The following CACNA1C variants were observed in gnomAD, a reference collection of about 807,000 sequenced individuals.
CACNA1C encodes voltage-dependent L-type calcium channel subunit alpha-1C.
Under a neutral mutation model 229.0 loss-of-function variants are expected in CACNA1C, and 30 were observed. That is an observed-to-expected ratio of 0.13 (90% CI 0.10 to 0.18). The LOEUF is 0.18. Among genes scored for constraint, CACNA1C ranks in the 10% least tolerant of loss-of-function variants. The pLI is 1.00. For missense variants in CACNA1C, 1,658 were observed against 2,845.0 expected (o/e 0.58, Z 9.49); for synonymous variants, 1,114 against 1,132.5 (o/e 0.98, Z 0.33).
Position 2,486,358 on chromosome 12 carries a change from C to A in CACNA1C, c.916+96C>A, listed in dbSNP as rs889530206. 6 of 975,192 alleles carry A rather than the reference C, an allele frequency of 6.2e-6. No homozygotes were observed. The African/African-American group carries it at 9.7e-5, about 16-fold the overall frequency. 60.4% of individuals were successfully genotyped at this position (975,192 alleles called of 1,614,324 possible). A position where few individuals can be genotyped will look rare whatever the true frequency, so the allele number is the denominator to read the frequency against. On this transcript the variant is annotated intron_variant, in intron 6 of 46. Transcript: ENST00000399655. This position sits in a 1 kb window ranked among gnomAD's most constrained non-coding sequence, Gnocchi z 4.9. ...GCTACACCAACATGACCAGCAGAGCCCAGGGAAGGCCCCATTCATTCAGAC... is the reference window on the plus strand; with the variant it reads ...GCTACACCAACATGACCAGCAGAGCACAGGGAAGGCCCCATTCATTCAGAC...
chr12:2,107,810 T>C (rs974043928), intron 1 of CACNA1C, among the ~76,000 whole-genome samples: 1 of 152,140 alleles, frequency 6.6e-6, no homozygotes, highest in African/African-American at 2.4e-5. Context: ...TTTTAAAAAG[T>C]TTTCCCACAA....
chr12:2,295,915 A>T (rs1264935011), intron 3 of CACNA1C, among the ~76,000 whole-genome samples: 3 of 152,102 alleles, frequency 2.0e-5, no homozygotes, highest in Non-Finnish European at 4.4e-5. Context: ...GGATTTTTTC[A>T]TTGTTTTGTT....
chr12:2,431,977 A>G (rs542661800), intron 3 of CACNA1C, among the ~76,000 whole-genome samples: 18 of 152,216 alleles, frequency 1.2e-4, no homozygotes, highest in Non-Finnish European at 2.5e-4. Context: ...TCACCAGAGG[A>G]TAAGGCCGTG....
intron 8 of CACNA1C, among the ~76,000 whole-genome samples, chr12:2,508,462 C>A (rs544622081): frequency 6.6e-6 from 1 of 152,144 alleles, no homozygotes; most frequent in African/African-American, 2.4e-5. Context: ...TCAGCCTGGG[C>A]GACATAGTGA....
chr12:2,531,623 G>A (rs904935143), intron 9 of CACNA1C, among the ~76,000 whole-genome samples: 5 of 152,162 alleles, frequency 3.3e-5, no homozygotes, highest in Non-Finnish European at 2.9e-5. Flanking sequence ...ATCTTGGCCA[G>A]GCAGCAGAGG....
chr12:2,116,754 C>T (rs1416658918), intron 2 of CACNA1C, among the ~76,000 whole-genome samples: 1 of 152,022 alleles, frequency 6.6e-6, no homozygotes, highest in Non-Finnish European at 1.5e-5. Context: ...TCCCCAGGGT[C>T]ATGTGGTCAG....
chr12:2,406,670 A>G (rs1400395142), intron 3 of CACNA1C, among the ~76,000 whole-genome samples: 1 of 152,040 alleles, frequency 6.6e-6, no homozygotes, highest in Non-Finnish European at 1.5e-5. Context: ...CTGCATTTCC[A>G]CGGTTTCAAG....
chr12:2,182,920 T>C (rs1039444055), intron 3 of CACNA1C, among the ~76,000 whole-genome samples: 8 of 152,178 alleles, frequency 5.3e-5, no homozygotes, highest in African/African-American at 1.9e-4. Context: ...TTGGTTTCGG[T>C]CCTTAGTCCA....
intron 3 of CACNA1C, among the ~76,000 whole-genome samples, chr12:2,250,010 G>A (rs1369775523): frequency 6.6e-6 from 1 of 152,030 alleles, no homozygotes; most frequent in Non-Finnish European, 1.5e-5. Context: ...GGGTTTCACC[G>A]TGTTAGCCAG....
At chr12:2,274,024 A>G (rs2086494427) in intron 3 of CACNA1C, among the ~76,000 whole-genome samples, 1 of 152,222 alleles carries the variant, frequency 6.6e-6, no homozygotes, top group African/African-American at 2.4e-5. Flanking sequence ...AGCACGCGGC[A>G]GGAGCTATCC....
intron 1 of CACNA1C, among the ~76,000 whole-genome samples, chr12:2,086,495 G>A (rs1455395341): frequency 6.6e-6 from 1 of 152,148 alleles, no homozygotes; most frequent in African/African-American, 2.4e-5. Context: ...TTAGTTGCAT[G>A]TTTGTTTCTC....
rs2099740904 is a variant in CACNA1C at position 2,493,673 on chromosome 12, C to T, written c.1113+287C>T. On this transcript the variant is annotated intron_variant, in intron 7 of 46. Coordinates refer to ENST00000399655, the MANE Select transcript of CACNA1C (RefSeq NM_000719.7). The surrounding 1 kb of genome is among the most constrained non-coding windows in gnomAD (Gnocchi z 4.6). Reference sequence around the variant, plus strand: ...TGGTGTGCAGGCATGGATGAGCTGGCCAGGCTGGCACAAGGGTTCCGTTCA... The same window carrying T: ...TGGTGTGCAGGCATGGATGAGCTGGTCAGGCTGGCACAAGGGTTCCGTTCA... 6.6e-6 allele frequency among the ~76,000 whole-genome samples: 1 copy of T among 152,150 alleles called. No individual in the cohort carries two copies. Among genetic ancestry groups the T allele is most frequent in the Non-Finnish European group, 1.5e-5 (1 of 68,012 alleles).
intron 13 of CACNA1C, among the ~76,000 whole-genome samples, chr12:2,569,076 A>G (rs1452815860): frequency 6.6e-6 from 1 of 152,128 alleles, no homozygotes; most frequent in Non-Finnish European, 1.5e-5. Context: ...GGCTGTGGAC[A>G]CTGCACTGCA....
intron 29 of CACNA1C, among the ~76,000 whole-genome samples, chr12:2,625,420 G>C (rs147789404): frequency 6.6e-6 from 1 of 152,172 alleles, no homozygotes; most frequent in Non-Finnish European, 1.5e-5. Flanking sequence ...TACAGGGTGC[G>C]TCGGCGATAA....
intron 3 of CACNA1C, among the ~76,000 whole-genome samples, chr12:2,363,659 G>A (rs1287741343): frequency 6.6e-6 from 1 of 152,124 alleles, no homozygotes; most frequent in Non-Finnish European, 1.5e-5. Flanking sequence ...TCCCCTGAAG[G>A]TGATCTCTGT....
At position 2,275,838 on chromosome 12, in the gene CACNA1C, G is replaced by A. The variant is rs1305267243; in HGVS notation, c.477+155408G>A. ...CAGCAGGCCCCCTCTGTTCTTTGGT[G>A]AAGCTTGTCTGCAGCGAGCCCTCAA... On this transcript the variant is annotated intron_variant, in intron 3 of 46. Transcript: ENST00000399655. The surrounding 1 kb of genome is among the most constrained non-coding windows in gnomAD (Gnocchi z 4.1). Among the ~76,000 whole-genome samples, 1 of 150,812 alleles carries A rather than the reference G, an allele frequency of 6.6e-6. No individual in the cohort carries two copies. The highest frequency in any genetic ancestry group is 2.5e-5 in the African/African-American group (1 of 40,228).
intron 1 of CACNA1C, among the ~76,000 whole-genome samples, chr12:2,024,244 C>T (rs1322677641): frequency 1.3e-5 from 2 of 152,238 alleles, no homozygotes; most frequent in Non-Finnish European, 2.9e-5. Flanking sequence ...GGCTTCTCTC[C>T]TGACTTCCAC....
intron 7 of CACNA1C, among the ~76,000 whole-genome samples, chr12:2,496,525 G>A (rs1332836429): frequency 6.6e-6 from 1 of 152,238 alleles, no homozygotes; most frequent in East Asian, 1.9e-4. Context: ...GATCAGGGAA[G>A]GCACCTAGCA....
chr12:2,591,078 T>C (rs1214909967), intron 18 of CACNA1C, among the ~76,000 whole-genome samples: 1 of 152,208 alleles, frequency 6.6e-6, no homozygotes, highest in Non-Finnish European at 1.5e-5. Context: ...ATATTAATTG[T>C]CTTGCTGGTC....
Sources: gnomAD v4.1 joint callset for allele counts (sites outside exome capture counted in the v4.1 genomes callset) on GRCh38, gnomAD v4.1.1 for gene constraint, Gnocchi (gnomAD v3.1) non-coding constraint, MANE v1.5 for transcripts, NCBI Gene and HGNC (gene_info 2026-07-23, HGNC 2026-07-21) for gene names.